Variants in NAP1L4 observed in about 807,000 individuals in gnomAD.
The protein encoded by NAP1L4 is nucleosome assembly protein 1 like 4, also known as nucleosome assembly protein 1-like 4.
In NAP1L4, 15 loss-of-function variants were observed where a neutral mutation model predicts 58.2. That is an observed-to-expected ratio of 0.26 (90% CI 0.17 to 0.40). The LOEUF is 0.40. Among genes scored for constraint, NAP1L4 ranks in the 10% least tolerant of loss-of-function variants. NAP1L4 has a pLI of 1.00. For synonymous variants in NAP1L4, 171 were observed against 155.6 expected (o/e 1.10, Z -0.74); for missense variants, 384 against 451.1 (o/e 0.85, Z 1.35).
Position 2,954,839 on chromosome 11 carries a change from C to G in NAP1L4, c.916-193G>C, listed in dbSNP as rs1167355718. Reference sequence around the variant, plus strand: ...AACTTTAAGTAGCTTTAAAGAGCTACTGAAGCAAAATGGCAGAGAAAGTGG... The same window carrying G: ...AACTTTAAGTAGCTTTAAAGAGCTAGTGAAGCAAAATGGCAGAGAAAGTGG... On this transcript the variant is annotated intron_variant, in intron 11 of 15. Transcript: ENST00000380542. This position sits in a 1 kb window ranked among gnomAD's most constrained non-coding sequence, Gnocchi z 4.8. The G allele has an allele frequency of 3.0e-6, 2 of 668,112 alleles. No homozygotes were observed. Among genetic ancestry groups the G allele is most frequent in the Non-Finnish European group, 5.1e-6 (2 of 395,398 alleles). 41.4% of individuals were successfully genotyped at this position (668,112 alleles called of 1,614,324 possible). A position where few individuals can be genotyped will look rare whatever the true frequency, so the allele number is the denominator to read the frequency against.
intron 3 of NAP1L4, 25 bp from the exon 4 acceptor site, chr11:2,976,148 A>G: frequency 6.4e-7 from 1 of 1,566,792 alleles, no homozygotes; most frequent in Non-Finnish European, 8.7e-7. Flanking sequence ...GACCAAACAT[A>G]TTTAAAATAT....
chr11:2,951,192 G>A lies in NAP1L4; in HGVS notation c.1122+67C>T. On this transcript the variant is annotated intron_variant, in intron 14 of 15. Coordinates refer to ENST00000380542, the MANE Select transcript of NAP1L4 (RefSeq NM_005969.4). This position sits in a 1 kb window ranked among gnomAD's most constrained non-coding sequence, Gnocchi z 4.0. ...TGTTAACACTACTGCCTCAAAGTGG[G>A]GAACATTTTTAAAAGTCTAAGAGTG... 7.9e-7 allele frequency: 1 copy of A among 1,267,276 alleles called. No individual in the cohort carries two copies. Among genetic ancestry groups the A allele is most frequent in the South Asian group, 1.2e-5 (1 of 80,358 alleles). 78.5% of individuals were successfully genotyped at this position (1,267,276 alleles called of 1,614,324 possible).
Position 2,959,988 on chromosome 11 carries a change from T to C in NAP1L4, c.607-79A>G, listed in dbSNP as rs1846765581. ...CAGATTGCTTGGAGTACACAACACT[T>C]ACTAGAAGCTATTTTGGGAAAGCTC... On this transcript the variant is annotated intron_variant, in intron 8 of 15. Coordinates refer to ENST00000380542, the MANE Select transcript of NAP1L4 (RefSeq NM_005969.4). This position sits in a 1 kb window ranked among gnomAD's most constrained non-coding sequence, Gnocchi z 4.9. 9.8e-6 allele frequency: 14 copies of C among 1,424,444 alleles called. No homozygotes were observed. Among genetic ancestry groups the C allele is most frequent in the Non-Finnish European group, 1.2e-5 (13 of 1,041,430 alleles). The allele number at this position is 1,424,444 out of a possible 1,614,324, so 88.2% of individuals were successfully genotyped here.
chr11:2,955,060 ATTTT>A lies in NAP1L4; in HGVS notation c.916-418_916-415del, dbSNP rs35712223. On this transcript the variant is annotated intron_variant, in intron 11 of 15. Coordinates refer to ENST00000380542, the MANE Select transcript of NAP1L4 (RefSeq NM_005969.4). This position sits in a 1 kb window ranked among gnomAD's most constrained non-coding sequence, Gnocchi z 4.2. ...CCAGAGTTTTAGGAAACAGAAATGG[ATTTT>A]TTTTTTTTAAGAGACAGGGTCTTAT... Among the ~76,000 whole-genome samples the A allele has an allele frequency of 6.8e-6, 1 of 147,710 alleles. No homozygotes were observed. The highest frequency in any genetic ancestry group is 2.5e-5 in the African/African-American group (1 of 40,428).
chr11:2,972,172 G>A lies in NAP1L4; in HGVS notation c.245C>T (p.Ala82Val). ...QLQVRCAHIE[A>V]KFYEEVHDLE... ...GTCATGTACCTCTTCATAGAACTTG[G>A]CTTCTATGTGAGCACATCTCACCTG... The change falls in exon 5 of 16, where the codon GCC becomes GTC. Residue 82 changes from alanine (A) to valine (V), a missense_variant. Coordinates refer to ENST00000380542, the MANE Select transcript of NAP1L4 (RefSeq NM_005969.4). The A allele has an allele frequency of 6.2e-7, 1 of 1,608,422 alleles. No homozygotes were observed. Among genetic ancestry groups the A allele is most frequent in the African/African-American group, 1.3e-5 (1 of 74,606 alleles).
intron 7 of NAP1L4, among the ~76,000 whole-genome samples, chr11:2,965,551 CTTCT>C (rs1431550361): frequency 1.3e-5 from 2 of 152,118 alleles, no homozygotes; most frequent in South Asian, 2.1e-4. Flanking sequence ...CACACAGTCA[CTTCT>C]TTATTTTTTT....
At chr11:2,982,571 C>T (rs2071106) in intron 1 of NAP1L4, among the ~76,000 whole-genome samples, 42,098 of 152,108 alleles carry the variant, frequency 0.28, 6,484 homozygotes, top group African/African-American at 0.41. Context: ...CCTCAGTTTA[C>T]ACGAAAAGAA....
chr11:2,990,864 G>A, intron 1 of NAP1L4: 1 of 323,596 alleles, frequency 3.1e-6, no homozygotes, highest in South Asian at 2.4e-5. Context: ...GTCATTTAGA[G>A]GTATAGTTAC....
intron 3 of NAP1L4, 141 bp from the exon 4 acceptor site, chr11:2,976,264 T>A: frequency 1.7e-6 from 1 of 595,692 alleles, no homozygotes; most frequent in Non-Finnish European, 2.9e-6. Flanking sequence ...AGTGACTTCT[T>A]AAACATGTTT....
rs769472949 is a variant in NAP1L4 at position 2,969,923 on chromosome 11, T to C, written c.414A>G (p.Lys138=). The part of the protein sequence containing the change: ...EEEEKLAGDM[K]SKVVVTEKAA... ...CTTTTTCTGTGACGACTACTTTACTTTTCATGTCTCCCTAAAAAAAAGATG... is the reference window on the plus strand; with the variant it reads ...CTTTTTCTGTGACGACTACTTTACTCTTCATGTCTCCCTAAAAAAAAGATG... The change falls in exon 7 of 16, where the codon AAA becomes AAG. Residue 138 remains lysine, a synonymous_variant. Coordinates refer to ENST00000380542, the MANE Select transcript of NAP1L4 (RefSeq NM_005969.4). 4.3e-6 allele frequency: 7 copies of C among 1,611,914 alleles called. No individual in the cohort carries two copies. The African/African-American group carries it at 5.3e-5, about 12-fold the overall frequency.
chr11:2,989,839 T>A (rs1848849995), intron 1 of NAP1L4: 1 of 152,208 alleles, frequency 6.6e-6, no homozygotes, highest in Admixed American at 6.5e-5. Flanking sequence ...TTAACCTCCA[T>A]ACAAATAAGA....
chr11:2,951,283 CTCG>C lies in NAP1L4; in HGVS notation c.1095_1097del (p.Asp365del). On this transcript the variant is annotated inframe_deletion, in exon 14 of 16. Transcript: ENST00000380542. This position sits in a 1 kb window ranked among gnomAD's most constrained non-coding sequence, Gnocchi z 4.0. ...CCTTGGGGTTAATTTCCGCATCATC[CTCG>C]TCTTCTCCCTCCTCGTCACCTTCTA... 6.2e-7 allele frequency: 1 copy of C among 1,614,078 alleles called. No homozygotes were observed. Among genetic ancestry groups the C allele is most frequent in the Non-Finnish European group, 8.5e-7 (1 of 1,179,984 alleles).
In NAP1L4 at chr11:2,978,267, A is replaced by G; in HGVS notation, c.73+17T>C. 6.2e-7 allele frequency: 1 copy of G among 1,612,474 alleles called. No homozygotes were observed. Among genetic ancestry groups the G allele is most frequent in the Non-Finnish European group, 8.5e-7 (1 of 1,179,000 alleles). Reference sequence around the variant, plus strand: ...TCCCCATACTGGATGCAAACTCTCCATGTGCAGTGGACTGACCTGTGTTAC... The same window carrying G: ...TCCCCATACTGGATGCAAACTCTCCGTGTGCAGTGGACTGACCTGTGTTAC... On this transcript the variant is annotated intron_variant, in intron 3 of 15. Transcript: ENST00000380542.
intron 1 of NAP1L4, among the ~76,000 whole-genome samples, chr11:2,981,153 G>A (rs971514657): frequency 4.6e-5 from 7 of 151,320 alleles, no homozygotes; most frequent in African/African-American, 1.7e-4. Flanking sequence ...CAGGAGAATC[G>A]CTCGAGCACA....
intron 1 of NAP1L4, among the ~76,000 whole-genome samples, chr11:2,982,049 T>C (rs1325182842): frequency 6.6e-6 from 1 of 152,186 alleles, no homozygotes; most frequent in Non-Finnish European, 1.5e-5. Context: ...AAGGACAACA[T>C]TCTAAGAGCT....
intron 12 of NAP1L4, among the ~76,000 whole-genome samples, chr11:2,953,724 G>T (rs920809588): frequency 6.6e-6 from 1 of 152,242 alleles, no homozygotes; most frequent in Non-Finnish European, 1.5e-5. Context: ...AGAGGTGTGA[G>T]GAGATGTTGG....
At chr11:2,986,626 ATTTT>A (rs66494210) in intron 1 of NAP1L4, among the ~76,000 whole-genome samples, 3 of 139,726 alleles carry the variant, frequency 2.1e-5, no homozygotes, top group African/African-American at 5.3e-5. Flanking sequence ...ATGGTAGTAA[ATTTT>A]TTTTTTTTTT....
At chr11:2,970,408 G>A (rs994007989) in intron 6 of NAP1L4, among the ~76,000 whole-genome samples, 11 of 151,920 alleles carry the variant, frequency 7.2e-5, no homozygotes, top group Non-Finnish European at 1.6e-4. Flanking sequence ...AAAATTTGTG[G>A]GGTGCTAAGT....
At position 2,951,291 on chromosome 11, in the gene NAP1L4, C is replaced by A. The variant is rs1315594705; in HGVS notation, c.1090G>T (p.Glu364Ter). The change falls in exon 14 of 16, where the codon GAA (glutamate) becomes TAA (stop). Residue 364 changes from glutamate to a stop codon, truncating the protein, a stop_gained. Coordinates refer to ENST00000380542, the MANE Select transcript of NAP1L4 (RefSeq NM_005969.4). LOFTEE classifies it high-confidence loss of function. The surrounding 1 kb of genome is among the most constrained non-coding windows in gnomAD (Gnocchi z 4.0). ...TTAATTTCCGCATCATCCTCGTCTTCTCCCTCCTCGTCACCTTCTAATTCC... is the reference window on the plus strand; with the variant it reads ...TTAATTTCCGCATCATCCTCGTCTTATCCCTCCTCGTCACCTTCTAATTCC... ...EEELEGDEEG[E>*]DEDDAEINPK... The A allele has an allele frequency of 6.2e-7, 1 of 1,613,986 alleles. No individual in the cohort carries two copies. Among genetic ancestry groups the A allele is most frequent in the African/African-American group, 1.3e-5 (1 of 74,940 alleles).
Sources: allele counts gnomAD v4.1 joint callset (sites outside exome capture counted in the v4.1 genomes callset), GRCh38; gene constraint gnomAD v4.1.1; non-coding constraint Gnocchi (gnomAD v3.1); transcripts MANE v1.5; gene names NCBI Gene and HGNC (gene_info 2026-07-23, HGNC 2026-07-21).